Variants in MOB1B observed in about 807,000 individuals in gnomAD.
MOB1B encodes the protein MOB1 Mps One Binder homolog B.
In MOB1B, 19 loss-of-function variants were observed where a neutral mutation model predicts 24.4. That is an observed-to-expected ratio of 0.78 (90% CI 0.54 to 1.14). The LOEUF (loss-of-function observed/expected upper bound fraction) is 1.14. Ranked by LOEUF, MOB1B falls within the 50% of genes most tolerant of loss-of-function variation. The pLI, the probability that MOB1B is intolerant of heterozygous loss-of-function variation, is 0.00. For synonymous variants in MOB1B, 76 were observed against 82.1 expected (o/e 0.93, Z 0.40); for missense variants, 243 against 259.6 (o/e 0.94, Z 0.44).
intron 1 of MOB1B, among the ~76,000 whole-genome samples, chr4:70,950,263 C>A (rs1326969280): frequency 9.9e-5 from 15 of 151,678 alleles, no homozygotes; most frequent in Non-Finnish European, 2.2e-4. Context: ...TGGTGAAACC[C>A]CGTCTCTACT....
intron 1 of MOB1B, among the ~76,000 whole-genome samples, chr4:70,940,090 A>G (rs1435585281): frequency 4.0e-5 from 6 of 149,348 alleles, no homozygotes; most frequent in Admixed American, 3.4e-4. Context: ...CTTGACCTCC[A>G]GCCGCTTTTG....
chr4:70,963,443 ATAG>A (rs761946358), intron 2 of MOB1B, among the ~76,000 whole-genome samples: 3 of 152,214 alleles, frequency 2.0e-5, no homozygotes, highest in Non-Finnish European at 2.9e-5. Context: ...TAGATAGCAA[ATAG>A]TAGGATATTA....
intron 2 of MOB1B, 114 bp from the exon 3 acceptor site, chr4:70,969,817 C>A: frequency 9.9e-6 from 5 of 504,004 alleles, no homozygotes; most frequent in Admixed American, 3.7e-5. Flanking sequence ...ATGGTTTTCA[C>A]CTGTTCTTTG....
chr4:70,904,029 G>A lies in MOB1B; in HGVS notation c.14+1479G>A, dbSNP rs565893543. 2.6e-3 allele frequency among the ~76,000 whole-genome samples: 327 copies of A among 125,742 alleles called. 2 individuals carry two copies. The highest frequency in any genetic ancestry group is 8.8e-3 in the African/African-American group (295 of 33,346). The allele number at this position is 125,742 out of a possible 152,430, so 82.5% of individuals were successfully genotyped here. ...GGAGTCTCCGCTCTGTCACCAGGCTGGAGTGTGTAGTGGCGTGATCTCGGC... is the reference window on the plus strand; with the variant it reads ...GGAGTCTCCGCTCTGTCACCAGGCTAGAGTGTGTAGTGGCGTGATCTCGGC... On this transcript the variant is annotated intron_variant, in intron 1 of 5. Transcript: ENST00000309395.
At chr4:70,966,685 T>G (rs1738544470) in intron 2 of MOB1B, among the ~76,000 whole-genome samples, 1 of 151,978 alleles carries the variant, frequency 6.6e-6, no homozygotes, top group African/African-American at 2.4e-5. Flanking sequence ...AGTCCCACTA[T>G]TTATAAAAAA....
chr4:70,974,258 G>A (rs190640726), intron 3 of MOB1B, among the ~76,000 whole-genome samples: 5 of 151,874 alleles, frequency 3.3e-5, no homozygotes, highest in South Asian at 2.1e-4. Flanking sequence ...TGGTTCAAGC[G>A]ATTTCTGGCT....
At chr4:70,972,707 A>G (rs1489980232) in intron 3 of MOB1B, among the ~76,000 whole-genome samples, 2 of 152,232 alleles carry the variant, frequency 1.3e-5, no homozygotes, top group African/African-American at 4.8e-5. Flanking sequence ...GATGAAAGAA[A>G]AGAGATTAGG....
At position 70,904,430 on chromosome 4, in the gene MOB1B, G is replaced by A. The variant is rs117323222; in HGVS notation, c.14+1880G>A. Among the ~76,000 whole-genome samples the A allele has an allele frequency of 1.1e-4, 16 of 152,148 alleles. No individual in the cohort carries two copies. The East Asian group carries it at 3.1e-3, about 29-fold the overall frequency. Reference sequence around the variant, plus strand: ...AAATAGCACTGTAGATGATATCCATGACTACTGCTGATGGGCTTGTGTCTA... The same window carrying A: ...AAATAGCACTGTAGATGATATCCATAACTACTGCTGATGGGCTTGTGTCTA... On this transcript the variant is annotated intron_variant, in intron 1 of 5. Coordinates refer to ENST00000309395, the MANE Select transcript of MOB1B (RefSeq NM_173468.4).
intron 1 of MOB1B, among the ~76,000 whole-genome samples, chr4:70,941,211 G>A (rs1737322342): frequency 6.7e-6 from 1 of 149,056 alleles, no homozygotes; most frequent in Non-Finnish European, 1.5e-5. Context: ...AGTAGTGGCT[G>A]TTTCTTAACA....
At chr4:70,907,322 G>C (rs1735789464) in intron 1 of MOB1B, among the ~76,000 whole-genome samples, 1 of 152,040 alleles carries the variant, frequency 6.6e-6, no homozygotes, top group African/African-American at 2.4e-5. Flanking sequence ...GGGAAATTGA[G>C]GATAAAAGTG....
chr4:70,931,170 A>G (rs1736877482), intron 1 of MOB1B, among the ~76,000 whole-genome samples: 1 of 152,152 alleles, frequency 6.6e-6, no homozygotes, highest in Non-Finnish European at 1.5e-5. Flanking sequence ...TGGTGATCTG[A>G]AAGATCTGTT....
At chr4:70,976,022 C>G in intron 4 of MOB1B, 1 of 263,340 alleles carries the variant, frequency 3.8e-6, no homozygotes. Context: ...GCCTCAGCAT[C>G]CTAAGTAACT....
intron 3 of MOB1B, among the ~76,000 whole-genome samples, chr4:70,971,042 CACGGG>C (rs1176828332): frequency 6.6e-6 from 1 of 152,228 alleles, no homozygotes; most frequent in African/African-American, 2.4e-5. Flanking sequence ...TTTTACCCGT[CACGGG>C]ACTGTTTACT....
chr4:70,907,600 G>C (rs1020297749), intron 1 of MOB1B, among the ~76,000 whole-genome samples: 5 of 152,138 alleles, frequency 3.3e-5, no homozygotes, highest in Non-Finnish European at 5.9e-5. Context: ...GGAGACTGAG[G>C]GGGTGGAACC....
intron 1 of MOB1B, among the ~76,000 whole-genome samples, chr4:70,914,132 A>C (rs1380996679): frequency 6.6e-6 from 1 of 152,204 alleles, no homozygotes; most frequent in African/African-American, 2.4e-5. Flanking sequence ...CTACCATGTG[A>C]GGACACATAG....
At chr4:70,906,561 G>T (rs532408933) in intron 1 of MOB1B, among the ~76,000 whole-genome samples, 1 of 152,318 alleles carries the variant, frequency 6.6e-6, no homozygotes, top group Admixed American at 6.5e-5. Context: ...GGAGAGCAGG[G>T]TATAGAGATT....
chr4:70,970,090 A>G (rs1369273727), intron 3 of MOB1B, 66 bp downstream of exon 3: 4 of 946,104 alleles, frequency 4.2e-6, no homozygotes, highest in Admixed American at 4.4e-5. Flanking sequence ...AGAAAAACGA[A>G]GTTTCTGACC....
intron 1 of MOB1B, chr4:70,950,895 T>C: frequency 2.5e-6 from 2 of 790,480 alleles, no homozygotes; most frequent in Non-Finnish European, 4.3e-6. Flanking sequence ...GGTATTATTA[T>C]CTCCATTTTG....
intron 1 of MOB1B, among the ~76,000 whole-genome samples, chr4:70,949,391 C>T (rs1243005110): frequency 1.3e-5 from 2 of 152,132 alleles, no homozygotes; most frequent in Non-Finnish European, 2.9e-5. Context: ...AGCTTTTAGC[C>T]TTTAGCTTTT....
Sources: allele counts gnomAD v4.1 joint callset (sites outside exome capture counted in the v4.1 genomes callset), GRCh38; gene constraint gnomAD v4.1.1; transcripts MANE v1.5; gene names NCBI Gene and HGNC (gene_info 2026-07-23, HGNC 2026-07-21).